C11orf65: variants seen among roughly 807,000 people sequenced by gnomAD.
C11orf65 encodes protein MFI.
A neutral mutation model predicts 35.3 loss-of-function variants in C11orf65; 38 were observed. The observed-to-expected ratio is 1.08, with a 90% CI of 0.83 to 1.41. The LOEUF (loss-of-function observed/expected upper bound fraction) is 1.41, where lower values mean the gene tolerates loss of function less well. Ranked by LOEUF, C11orf65 falls within the 40% of genes most tolerant of loss-of-function variation. The pLI, the probability that C11orf65 is intolerant of heterozygous loss-of-function variation, is 0.00. For synonymous variants in C11orf65, 105 were observed against 114.4 expected (o/e 0.92, Z 0.53); for missense variants, 370 against 367.1 (o/e 1.01, Z -0.06).
intron 8 of C11orf65, among the ~76,000 whole-genome samples, chr11:108,384,502 C>G (rs2091943869): frequency 6.6e-6 from 1 of 152,070 alleles, no homozygotes; most frequent in South Asian, 2.1e-4. Context: ...AGAGTGGAGC[C>G]AAAAATCAAA....
rs1565499875 is a variant in C11orf65, at chr11:108,316,082, C to T, written c.641-7011G>A. 1 of 1,614,132 alleles carries T rather than the reference C, an allele frequency of 6.2e-7. No homozygotes were observed. The highest frequency in any genetic ancestry group is 1.3e-5 in the African/African-American group (1 of 75,042). On this transcript the variant is annotated intron_variant, in intron 6 of 6. Transcript: ENST00000525729. ...ACATATGACCTCGAAACAGCAATCC[C>T]CTCATCAACACGCCAGGCAGGAATC...
downstream of C11orf65, chr11:108,328,980 T>C: frequency 1.3e-6 from 2 of 1,545,554 alleles, no homozygotes; most frequent in Non-Finnish European, 1.8e-6. Context: ...ATGTATTTAG[T>C]ATTTGTAAAT....
intron 2 of C11orf65, among the ~76,000 whole-genome samples, chr11:108,441,095 A>G (rs1360485568): frequency 1.3e-5 from 2 of 152,172 alleles, no homozygotes; most frequent in Admixed American, 1.3e-4. Context: ...GACAGATGGT[A>G]CCTGGAAAAT....
intron 3 of C11orf65, among the ~76,000 whole-genome samples, chr11:108,417,432 T>A (rs1037353445): frequency 6.6e-6 from 1 of 151,826 alleles, no homozygotes; most frequent in Non-Finnish European, 1.5e-5. Flanking sequence ...TAATTCCAAC[T>A]ACTGGGGAGG....
intron 2 of C11orf65, among the ~76,000 whole-genome samples, chr11:108,438,461 G>T (rs2093099773): frequency 6.6e-6 from 1 of 151,698 alleles, no homozygotes. Flanking sequence ...TGAGGCAAAA[G>T]AATCCCTCAA....
chr11:108,449,615 C>T (rs1025647263), intron 2 of C11orf65, among the ~76,000 whole-genome samples: 8 of 151,898 alleles, frequency 5.3e-5, no homozygotes, highest in Admixed American at 1.3e-4. Context: ...CCCTTCCTTA[C>T]ACCTGATACA....
At chr11:108,370,422 T>C (rs2091528297) in intron 2 of C11orf65, among the ~76,000 whole-genome samples, 1 of 151,982 alleles carries the variant, frequency 6.6e-6, no homozygotes, top group African/African-American at 2.4e-5. Context: ...ATGAATAATG[T>C]CAGAAATGGA....
chr11:108,393,425 A>T, intron 6 of C11orf65, 47 bp from the exon 7 acceptor site: 1 of 1,525,128 alleles, frequency 6.6e-7, no homozygotes, highest in Non-Finnish European at 9.1e-7. Flanking sequence ...GAAATAGGAG[A>T]TTACAAGTAG....
At chr11:108,435,892 T>C (rs1317179187) in intron 2 of C11orf65, among the ~76,000 whole-genome samples, 1 of 152,126 alleles carries the variant, frequency 6.6e-6, no homozygotes, top group African/African-American at 2.4e-5. Context: ...AATATGCTGT[T>C]ACATGGAGAG....
intron 3 of C11orf65, among the ~76,000 whole-genome samples, chr11:108,334,476 G>C (rs927734981): frequency 6.6e-6 from 1 of 152,132 alleles, no homozygotes; most frequent in East Asian, 1.9e-4. Flanking sequence ...AATTTCATGT[G>C]GGCAGGGATA....
At chr11:108,457,026 AGAG>A (rs1277437565) in intron 2 of C11orf65, among the ~76,000 whole-genome samples, 1 of 152,158 alleles carries the variant, frequency 6.6e-6, no homozygotes, top group African/African-American at 2.4e-5. Context: ...TTGAAGATGG[AGAG>A]GAGAGGTAAA....
intron 2 of C11orf65, among the ~76,000 whole-genome samples, chr11:108,359,539 G>T (rs1035472818): frequency 1.3e-5 from 2 of 151,952 alleles, no homozygotes; most frequent in Non-Finnish European, 2.9e-5. Context: ...TGACCCCATA[G>T]TTGGAAGTAA....
intron 6 of C11orf65, among the ~76,000 whole-genome samples, chr11:108,323,398 G>GCAC (rs1186278246): frequency 2.1e-4 from 32 of 152,150 alleles, no homozygotes; most frequent in Admixed American, 2.0e-3. Context: ...AGGCAGGGAA[G>GCAC]GGTGTTGTGG....
rs1427231252 is a variant in C11orf65, at chr11:108,362,463, G to T, written c.227-27171C>A. ...CCCATTACTGGGTATATAACCAAAG[G>T]ACTATAAATCATGCTGCTATAAAGA... On this transcript the variant is annotated intron_variant, in intron 2 of 3. Transcript: ENST00000524755. 1.4e-3 allele frequency among the ~76,000 whole-genome samples: 218 copies of T among 151,426 alleles called. 1 individual carries two copies. Among genetic ancestry groups the T allele is most frequent in the Non-Finnish European group, 2.6e-3 (176 of 67,624 alleles).
intron 2 of C11orf65, among the ~76,000 whole-genome samples, chr11:108,357,626 G>T (rs2090160084): frequency 6.6e-6 from 1 of 152,082 alleles, no homozygotes; most frequent in Non-Finnish European, 1.5e-5. Flanking sequence ...TCCTCAAGTG[G>T]GTTCCTGACC....
At chr11:108,315,987 T>A (rs758377344) in intron 6 of C11orf65, 9 of 1,612,056 alleles carry the variant, frequency 5.6e-6, no homozygotes, top group Middle Eastern at 1.6e-4. Context: ...AACCCAAAGC[T>A]ATTTTCACAA....
chr11:108,406,608 T>G (rs1206527149), intron 5 of C11orf65, among the ~76,000 whole-genome samples, 155 bp downstream of exon 5: 1 of 152,206 alleles, frequency 6.6e-6, no homozygotes, highest in Non-Finnish European at 1.5e-5. Context: ...CCTTGAAGTA[T>G]TATTAGCAAC....
chr11:108,320,105 G>A (rs1241455627), intron 6 of C11orf65: 3 of 1,393,056 alleles, frequency 2.2e-6, no homozygotes, highest in Non-Finnish European at 2.0e-6. Flanking sequence ...TTAATGTCAT[G>A]GCTTCTTTTC....
At chr11:108,402,056 T>C (rs2092449367) in intron 6 of C11orf65, among the ~76,000 whole-genome samples, 1 of 152,232 alleles carries the variant, frequency 6.6e-6, no homozygotes, top group Non-Finnish European at 1.5e-5. Flanking sequence ...GTAACTGTTC[T>C]GGTTTATAAA....
Sources: gnomAD v4.1 joint callset for allele counts (sites outside exome capture counted in the v4.1 genomes callset) on GRCh38, gnomAD v4.1.1 for gene constraint, MANE v1.5 for transcripts, NCBI Gene and HGNC (gene_info 2026-07-23, HGNC 2026-07-21) for gene names.